The following HBS1L variants were observed in gnomAD, a reference collection of about 807,000 sequenced individuals.
The protein encoded by HBS1L is HBS1-like protein.
In HBS1L, 55 loss-of-function variants were observed where a neutral mutation model predicts 88.9. The ratio of observed to expected loss-of-function variants is 0.62; its 90% CI spans 0.50 to 0.77. The LOEUF is 0.77. Ranked by LOEUF, HBS1L falls within the 30% of genes least tolerant of loss-of-function variation. HBS1L has a pLI of 0.00. For synonymous variants in HBS1L, 267 were observed against 288.5 expected (o/e 0.93, Z 0.76); for missense variants, 741 against 829.3 (o/e 0.89, Z 1.31).
chr6:135,049,659 C>G (rs926998284), intron 2 of HBS1L, among the ~76,000 whole-genome samples: 11 of 151,958 alleles, frequency 7.2e-5, no homozygotes, highest in Non-Finnish European at 1.5e-4. Context: ...GCAACCTCTG[C>G]CTCCCAGGTT....
chr6:135,049,462 T>C (rs1457954291), intron 2 of HBS1L, among the ~76,000 whole-genome samples: 1 of 152,204 alleles, frequency 6.6e-6, no homozygotes, highest in East Asian at 1.9e-4. Context: ...GAAATGTTAA[T>C]TATATCAAAC....
intron 4 of HBS1L, among the ~76,000 whole-genome samples, chr6:135,005,260 T>A (rs147524894): frequency 6.6e-6 from 1 of 152,236 alleles, no homozygotes; most frequent in African/African-American, 2.4e-5. Flanking sequence ...TCCAAAAGCA[T>A]TGAAATATTA....
At chr6:134,983,052 T>C (rs1401024058) in intron 12 of HBS1L, 3 of 152,334 alleles carry the variant, frequency 2.0e-5, no homozygotes, top group African/African-American at 7.2e-5. Flanking sequence ...AGGTAGCTTG[T>C]ATGCATGAGT....
At chr6:134,981,249 T>C (rs1774823266) in intron 13 of HBS1L, among the ~76,000 whole-genome samples, 1 of 152,028 alleles carries the variant, frequency 6.6e-6, no homozygotes, top group East Asian at 1.9e-4. Flanking sequence ...AAAAGTATTA[T>C]AGCTCTTGTC....
Position 135,054,748 on chromosome 6 carries a change from A to G in HBS1L, c.-57T>C. On this transcript the variant is annotated 5_prime_UTR_variant, in exon 1 of 18. The change abolishes the stop of an existing upstream ORF in the 5' untranslated region. Coordinates refer to ENST00000367837, the MANE Select transcript of HBS1L (RefSeq NM_006620.4). ...TAACTCCTTCCAAAACACTCCGCTT[A>G]GATACTGATAAGGCGCCAACTGCAG... The G allele has an allele frequency of 6.2e-7, 1 of 1,602,796 alleles. No homozygotes were observed. The highest frequency in any genetic ancestry group is 8.5e-7 in the Non-Finnish European group (1 of 1,171,388).
At position 134,963,891 on chromosome 6, in the gene HBS1L, C is replaced by T. The variant is rs902685749; in HGVS notation, c.*1388G>A. On this transcript the variant is annotated 3_prime_UTR_variant, in exon 18 of 18. Coordinates refer to ENST00000367837, the MANE Select transcript of HBS1L (RefSeq NM_006620.4). ...AAAATTTTTCTTTCTGCTTCAGTCACTTGAAGTTAGATTTCTGTCACATAT... is the reference window on the plus strand; with the variant it reads ...AAAATTTTTCTTTCTGCTTCAGTCATTTGAAGTTAGATTTCTGTCACATAT... The T allele has an allele frequency of 2.7e-5, 4 of 148,330 alleles. No individual in the cohort carries two copies. Among genetic ancestry groups the T allele is most frequent in the Non-Finnish European group, 6.0e-5 (4 of 66,344 alleles). 9.2% of individuals were successfully genotyped at this position (148,330 alleles called of 1,614,324 possible). A position where few individuals can be genotyped will look rare whatever the true frequency, so the allele number is the denominator to read the frequency against.
At chr6:135,012,422 A>G (rs1775802273) in intron 4 of HBS1L, among the ~76,000 whole-genome samples, 1 of 152,186 alleles carries the variant, frequency 6.6e-6, no homozygotes. Context: ...AACTTTATAT[A>G]CTTCTATGCT....
intron 15 of HBS1L, among the ~76,000 whole-genome samples, chr6:134,974,615 C>G (rs1412530461): frequency 6.7e-6 from 1 of 149,644 alleles, no homozygotes; most frequent in Non-Finnish European, 1.5e-5. Context: ...ATATGCAAGT[C>G]AATAAATGTG....
At chr6:134,997,279 C>T in intron 6 of HBS1L, 118 bp downstream of exon 6, 2 of 1,187,476 alleles carry the variant, frequency 1.7e-6, no homozygotes, top group South Asian at 1.4e-5. Context: ...TGAGACTGTG[C>T]CTCCTTGCTC....
chr6:135,040,355 T>C (rs1262748532), intron 3 of HBS1L, among the ~76,000 whole-genome samples: 2 of 68,954 alleles, frequency 2.9e-5, no homozygotes, highest in East Asian at 3.6e-4. Flanking sequence ...TTTTTTTTTT[T>C]TTTTTTTTTT....
chr6:135,037,718 T>C (rs1562312054), intron 4 of HBS1L: 4 of 1,550,884 alleles, frequency 2.6e-6, no homozygotes, highest in Admixed American at 3.9e-5. Context: ...AGACTGTCTG[T>C]AGATGATAAT....
chr6:135,023,468 A>G (rs1427765399), intron 4 of HBS1L, among the ~76,000 whole-genome samples: 1 of 152,126 alleles, frequency 6.6e-6, no homozygotes, highest in Non-Finnish European at 1.5e-5. Context: ...CAAAAGAACC[A>G]AAAGTATGAT....
chr6:134,979,371 TC>T (rs763349803), intron 13 of HBS1L, 103 bp from the exon 14 acceptor site: 2 of 755,696 alleles, frequency 2.6e-6, no homozygotes, highest in Non-Finnish European at 4.7e-6. Context: ...TCACTACTCA[TC>T]ATTTTCAATA....
chr6:135,032,739 G>A (rs1776423776), intron 4 of HBS1L, among the ~76,000 whole-genome samples: 1 of 152,066 alleles, frequency 6.6e-6, no homozygotes, highest in African/African-American at 2.4e-5. Flanking sequence ...TACAAAAAAT[G>A]AGCACCTTAT....
chr6:134,984,780 C>T (rs1774932341), intron 12 of HBS1L, among the ~76,000 whole-genome samples: 1 of 152,052 alleles, frequency 6.6e-6, no homozygotes, highest in Admixed American at 6.6e-5. Flanking sequence ...TACGTTGGTC[C>T]TTCCTCAGCC....
intron 10 of HBS1L, 99 bp from the exon 11 acceptor site, chr6:134,986,282 A>G: frequency 1.5e-6 from 1 of 681,058 alleles, no homozygotes; most frequent in South Asian, 1.7e-5. Flanking sequence ...AAAAGCAACA[A>G]TGTACTTTTT....
chr6:135,040,272 C>T (rs948063232), intron 3 of HBS1L, among the ~76,000 whole-genome samples: 6 of 150,948 alleles, frequency 4.0e-5, no homozygotes, highest in African/African-American at 1.2e-4. Context: ...CTTTAAAAAA[C>T]GGCAAGATAA....
chr6:135,028,254 T>A (rs1776290251), intron 4 of HBS1L, among the ~76,000 whole-genome samples: 1 of 130,580 alleles, frequency 7.7e-6, no homozygotes, highest in African/African-American at 3.1e-5. Context: ...AAAAACAAAT[T>A]GCAAGGTAAT....
chr6:135,049,546 T>C (rs1411659216), intron 2 of HBS1L, among the ~76,000 whole-genome samples: 4 of 152,176 alleles, frequency 2.6e-5, no homozygotes, highest in Non-Finnish European at 5.9e-5. Flanking sequence ...TATACTATTA[T>C]ACACTCTTTT....
Sources: gnomAD v4.1 joint callset for allele counts (sites outside exome capture counted in the v4.1 genomes callset) on GRCh38, gnomAD v4.1.1 for gene constraint, MANE v1.5 for transcripts, NCBI Gene and HGNC (gene_info 2026-07-23, HGNC 2026-07-21) for gene names.